Variants in LRPPRC observed in about 807,000 individuals in gnomAD.
The protein encoded by LRPPRC is leucine-rich PPR motif-containing protein, mitochondrial.
LRPPRC carries 120 observed loss-of-function variants against 180.3 expected under a neutral mutation model. That is an observed-to-expected ratio of 0.67 (90% CI 0.57 to 0.77). The LOEUF is 0.77. Ranked by LOEUF, LRPPRC falls within the 30% of genes least tolerant of loss-of-function variation. The pLI, the probability that LRPPRC is intolerant of heterozygous loss-of-function variation, is 0.00. For synonymous variants in LRPPRC, 723 were observed against 600.0 expected, an observed-to-expected ratio of 1.21 and a Z score of -3.00; for missense variants, 2,012 against 1,657.2, an observed-to-expected ratio of 1.21 and a Z score of -3.72.
chr2:43,931,261 C>T (rs1338946278), intron 25 of LRPPRC, among the ~76,000 whole-genome samples: 1 of 152,164 alleles, frequency 6.6e-6, no homozygotes, highest in East Asian at 1.9e-4. Flanking sequence ...GTATTCTAAC[C>T]TCTTCCCTTG....
In LRPPRC at chr2:43,888,667, G is replaced by C; in HGVS notation, c.4129-11C>G. ...AAATTCAAAGCTTTCCTGTTAAGGA[G>C]AAAAAAAGAGGGAAGTTAGAGATAC... On this transcript the variant is annotated splice_polypyrimidine_tract_variant and intron_variant, in intron 37 of 37. Coordinates refer to ENST00000260665, the MANE Select transcript of LRPPRC (RefSeq NM_133259.4). The C allele has an allele frequency of 2.0e-6, 3 of 1,527,214 alleles. No individual in the cohort carries two copies. Among genetic ancestry groups the C allele is most frequent in the South Asian group, 1.1e-5 (1 of 89,024 alleles). The allele number at this position is 1,527,214 out of a possible 1,614,324, so 94.6% of individuals were successfully genotyped here.
chr2:43,940,194 T>C (rs906692726), intron 23 of LRPPRC, among the ~76,000 whole-genome samples: 1 of 152,174 alleles, frequency 6.6e-6, no homozygotes, highest in Non-Finnish European at 1.5e-5. Context: ...AAATTCTTAA[T>C]TGCAATAATG....
chr2:43,906,338 T>G (rs1671066337), intron 30 of LRPPRC, among the ~76,000 whole-genome samples: 1 of 152,202 alleles, frequency 6.6e-6, no homozygotes, highest in Admixed American at 6.5e-5. Flanking sequence ...TATTGGTACT[T>G]TAAAATTAAA....
chr2:43,927,330 G>A (rs1273748440), intron 25 of LRPPRC, among the ~76,000 whole-genome samples: 1 of 152,132 alleles, frequency 6.6e-6, no homozygotes, highest in Non-Finnish European at 1.5e-5. Context: ...GAACTGAAGT[G>A]GAAACTAACA....
At chr2:43,980,231 T>C (rs1674241467) in intron 2 of LRPPRC, among the ~76,000 whole-genome samples, 1 of 152,138 alleles carries the variant, frequency 6.6e-6, no homozygotes, top group African/African-American at 2.4e-5. Flanking sequence ...TTATAGGCAG[T>C]GCTTGCTACA....
At chr2:43,974,390 C>CAATTCTTA (rs1036414524) in intron 8 of LRPPRC, 95 bp from the exon 9 acceptor site, 61 of 974,042 alleles carry the variant, frequency 6.3e-5, no homozygotes, top group Non-Finnish European at 9.7e-5. Flanking sequence ...ATAAGAATTG[C>CAATTCTTA]AAACATCAAA....
In LRPPRC at chr2:43,975,195, T is replaced by C; in HGVS notation, c.760A>G (p.Ile254Val). 2 of 1,613,424 alleles carry C rather than the reference T, an allele frequency of 1.2e-6. No individual in the cohort carries two copies. The highest frequency in any genetic ancestry group is 1.7e-6 in the Non-Finnish European group (2 of 1,179,800). Residue 254 changes from isoleucine (I) to valine (V), a missense_variant, in exon 7 of 38, where the codon ATT becomes GTT. By Grantham distance (29) the Ile-to-Val change is conservative. Transcript: ENST00000260665. ...CCGGCATCTCTCATCACTGTGAGAA[T>C]GTTTTCTGCATTCTCCATATCACTA... ...RAGDMENAEN[I>V]LTVMRDAGIE... is the part of the protein sequence containing the mutation.
At chr2:43,929,600 T>C (rs1672012114) in intron 25 of LRPPRC, among the ~76,000 whole-genome samples, 1 of 152,194 alleles carries the variant, frequency 6.6e-6, no homozygotes, top group Non-Finnish European at 1.5e-5. Context: ...GTATATTTAC[T>C]GAAGAAAAAC....
At position 43,894,581 on chromosome 2, in the gene LRPPRC, T is replaced by C; in HGVS notation, c.3949A>G (p.Lys1317Glu). 1.9e-6 allele frequency: 3 copies of C among 1,571,090 alleles called. No homozygotes were observed. Among genetic ancestry groups the C allele is most frequent in the Non-Finnish European group, 2.6e-6 (3 of 1,141,150 alleles). Residue 1317 changes from lysine to glutamate, a missense_variant, in exon 36 of 38, where the codon AAG becomes GAG. By Grantham distance (56) the Lys-to-Glu change is moderately conservative. Transcript: ENST00000260665. ...VLELIPELNE[K>E]EEAYNSLMKS... ...ATGAGGGAATTGTATGCTTCTTCCT[T>C]TTCATTTAATTCAGGAATCAATTCT...
At chr2:43,917,994 CACA>C in intron 29 of LRPPRC, 28 bp downstream of exon 29, 8 of 1,442,554 alleles carry the variant, frequency 5.5e-6, no homozygotes, top group East Asian at 2.3e-5. Context: ...ACCACCCCCC[CACA>C]CACACCCCCA....
intron 36 of LRPPRC, among the ~76,000 whole-genome samples, 158 bp downstream of exon 36, chr2:43,894,387 G>C (rs963373476): frequency 2.0e-5 from 3 of 152,150 alleles, no homozygotes; most frequent in African/African-American, 7.2e-5. Context: ...TTCCAGAACT[G>C]AGTTATTTAT....
In LRPPRC at chr2:43,976,691, T is replaced by C. The variant is rs755061956; in HGVS notation, c.650+303A>G. Among the ~76,000 whole-genome samples the C allele has an allele frequency of 2.6e-4, 40 of 150,978 alleles. 1 individual carries two copies. Among genetic ancestry groups the C allele is most frequent in the African/African-American group, 8.8e-4 (36 of 40,938 alleles). ...AATACAGCTTAAATGGTTAAGAACATTTCCCTTAGGAAATATTTAAAAAAA... is the reference window on the plus strand; with the variant it reads ...AATACAGCTTAAATGGTTAAGAACACTTCCCTTAGGAAATATTTAAAAAAA... On this transcript the variant is annotated intron_variant, in intron 5 of 37. Coordinates refer to ENST00000260665, the MANE Select transcript of LRPPRC (RefSeq NM_133259.4).
At chr2:43,926,951 CAT>C (rs1441756444) in intron 25 of LRPPRC, among the ~76,000 whole-genome samples, 3 of 152,190 alleles carry the variant, frequency 2.0e-5, no homozygotes, top group African/African-American at 7.2e-5. Flanking sequence ...ACAACTGAGA[CAT>C]ATGTTATATC....
At chr2:43,965,911 G>C (rs191392888) in intron 11 of LRPPRC, among the ~76,000 whole-genome samples, 3 of 152,180 alleles carry the variant, frequency 2.0e-5, no homozygotes, top group Non-Finnish European at 2.9e-5. Flanking sequence ...TCTACTGTTG[G>C]TGGGAGAGTA....
At chr2:43,925,770 G>A (rs537355054) in intron 26 of LRPPRC, 123 bp downstream of exon 26, 22 of 754,984 alleles carry the variant, frequency 2.9e-5, no homozygotes, top group African/African-American at 1.9e-4. Flanking sequence ...GCAAATGATC[G>A]AGATAAACAC....
At position 43,888,122 on chromosome 2, in the gene LRPPRC, A is replaced by G. The variant is rs374114054; in HGVS notation, c.*478T>C. The G allele has an allele frequency of 7.1e-5, 13 of 182,336 alleles. No individual in the cohort carries two copies. The East Asian group carries it at 1.9e-3, about 27-fold the overall frequency. 11.3% of individuals were successfully genotyped at this position (182,336 alleles called of 1,614,324 possible). On this transcript the variant is annotated 3_prime_UTR_variant, in exon 38 of 38. Transcript: ENST00000260665. ...ATGAAGCCTAGATCTGATGACTCCT[A>G]GTGCCAACATTTAACAAAGTTCGAA...
chr2:43,913,257 T>G (rs1336870164), intron 29 of LRPPRC, among the ~76,000 whole-genome samples: 1 of 152,170 alleles, frequency 6.6e-6, no homozygotes, highest in African/African-American at 2.4e-5. Flanking sequence ...ACTACACTTT[T>G]CAGTCACTTA....
intron 29 of LRPPRC, among the ~76,000 whole-genome samples, chr2:43,915,035 C>T (rs1334925572): frequency 2.4e-5 from 3 of 125,632 alleles, no homozygotes; most frequent in Non-Finnish European, 4.8e-5. Context: ...TGGTGAAACC[C>T]TGTCTCTACT....
chr2:43,957,379 T>C lies in LRPPRC; in HGVS notation c.1649+6A>G, dbSNP rs1473441639. The C allele has an allele frequency of 6.2e-7, 1 of 1,605,592 alleles. No homozygotes were observed. The highest frequency in any genetic ancestry group is 1.7e-5 in the Admixed American group (1 of 60,018). ...AGGCAAGGAACATTTAAGTTGATCA[T>C]CTTACCTCCTGAAGCCTAGCAGTAG... On this transcript the variant is annotated splice_donor_region_variant and intron_variant, in intron 14 of 37. Transcript: ENST00000260665.
Sources: allele counts gnomAD v4.1 joint callset (sites outside exome capture counted in the v4.1 genomes callset), GRCh38; gene constraint gnomAD v4.1.1; transcripts MANE v1.5; gene names NCBI Gene and HGNC (gene_info 2026-07-23, HGNC 2026-07-21).